The following GARIN1A variants were observed in gnomAD, a reference collection of about 807,000 sequenced individuals.
GARIN1A encodes the protein Golgi-associated RAB2 interactor protein 1A.
the GARIN1A span, among the ~76,000 whole-genome samples, chr7:128,703,865 TG>T: frequency 2.0e-5 from 3 of 151,852 alleles, no homozygotes; most frequent in Non-Finnish European, 4.4e-5. Flanking sequence ...AATTAGGGCT[TG>T]GGGGAAGATT....
At chr7:128,672,207 A>C in the GARIN1A span, 1 of 512,226 alleles carries the variant, frequency 2.0e-6, no homozygotes, top group Non-Finnish European at 3.4e-6. Flanking sequence ...TTCTGTTGTC[A>C]CCATCACATT....
the GARIN1A span, among the ~76,000 whole-genome samples, chr7:128,703,054 T>C: frequency 2.6e-5 from 4 of 152,120 alleles, no homozygotes; most frequent in African/African-American, 9.7e-5. Context: ...GAGACAAAAA[T>C]TGTTAGAACA....
At chr7:128,675,596 T>C in the GARIN1A span, 105 of 1,471,092 alleles carry the variant, frequency 7.1e-5, no homozygotes, top group Non-Finnish European at 9.7e-5. Context: ...CCCAAGATGA[T>C]GTGCCACTTT....
chr7:128,688,147 G>A, the GARIN1A span, among the ~76,000 whole-genome samples: 3 of 152,024 alleles, frequency 2.0e-5, no homozygotes, highest in Non-Finnish European at 4.4e-5. Context: ...GAGTAGCTGG[G>A]ATTAAAGGCA....
chr7:128,701,732 G>A, the GARIN1A span, among the ~76,000 whole-genome samples: 169 of 152,110 alleles, frequency 1.1e-3, no homozygotes, highest in African/African-American at 3.9e-3. Flanking sequence ...TGAAACTAGG[G>A]GCAAGGAGAC....
At chr7:128,675,794 C>T in the GARIN1A span, 1 of 1,613,780 alleles carries the variant, frequency 6.2e-7, no homozygotes, top group Admixed American at 1.7e-5. Context: ...CCAATGTTAC[C>T]TGGCCCCAGG....
At chr7:128,697,471 C>G in the GARIN1A span, 1 of 152,440 alleles carries the variant, frequency 6.6e-6, no homozygotes, top group South Asian at 2.1e-4. Flanking sequence ...CGCGCCCGAT[C>G]TGGTCTCATC....
chr7:128,675,735 G>T, the GARIN1A span: 21 of 1,613,686 alleles, frequency 1.3e-5, no homozygotes, highest in African/African-American at 6.7e-5. Context: ...GATCCTCGGG[G>T]TCACCTCCTC....
the GARIN1A span, among the ~76,000 whole-genome samples, chr7:128,701,594 G>A: frequency 8.5e-5 from 13 of 152,120 alleles, no homozygotes; most frequent in Non-Finnish European, 1.6e-4. Context: ...GAAGGTATGA[G>A]CCAGAGTGGC....
At chr7:128,681,563 A>G in the GARIN1A span, among the ~76,000 whole-genome samples, 5 of 147,606 alleles carry the variant, frequency 3.4e-5, no homozygotes. Flanking sequence ...GTGCAGTGCC[A>G]TGATCTTGGC....
chr7:128,688,435 A>G, the GARIN1A span, among the ~76,000 whole-genome samples: 2 of 152,228 alleles, frequency 1.3e-5, no homozygotes, highest in Non-Finnish European at 2.9e-5. Flanking sequence ...ACATCACTGC[A>G]AAGAAAGAAA....
At chr7:128,683,202 T>G in the GARIN1A span, 1 of 1,429,560 alleles carries the variant, frequency 7.0e-7, no homozygotes, top group African/African-American at 1.4e-5. Context: ...GTGTACTTGC[T>G]ACCACCTCTT....
At chr7:128,692,157 G>T in the GARIN1A span, among the ~76,000 whole-genome samples, 1 of 152,074 alleles carries the variant, frequency 6.6e-6, no homozygotes, top group African/African-American at 2.4e-5. Context: ...TGTTTTCTAC[G>T]TGTACACCCA....
chr7:128,674,495 C>T, the GARIN1A span, among the ~76,000 whole-genome samples: 1 of 152,162 alleles, frequency 6.6e-6, no homozygotes, highest in Admixed American at 6.5e-5. Context: ...AGTTACACTG[C>T]TTCCTCTCTC....
chr7:128,697,131 C>G, the GARIN1A span, among the ~76,000 whole-genome samples: 1 of 152,172 alleles, frequency 6.6e-6, no homozygotes, highest in South Asian at 2.1e-4. Context: ...TTCAGATCCC[C>G]TACACAACCT....
At chr7:128,707,459 G>A in the GARIN1A span, among the ~76,000 whole-genome samples, 25,407 of 151,880 alleles carry the variant, frequency 0.17, 2,295 homozygotes, top group East Asian at 0.36. Context: ...CTGCTTCTAT[G>A]AGTTTGACTA....
At chr7:128,690,154 A>G in the GARIN1A span, among the ~76,000 whole-genome samples, 3 of 152,236 alleles carry the variant, frequency 2.0e-5, no homozygotes, top group African/African-American at 4.8e-5. Flanking sequence ...ACTCAGGGTT[A>G]AATGGATTAA....
chr7:128,700,303 C>T, the GARIN1A span, among the ~76,000 whole-genome samples: 3 of 133,682 alleles, frequency 2.2e-5, no homozygotes, highest in African/African-American at 5.6e-5. Flanking sequence ...TTTTTTGAAA[C>T]GGAGTCTCTC....
chr7:128,688,112 A>G, the GARIN1A span, among the ~76,000 whole-genome samples: 1 of 151,970 alleles, frequency 6.6e-6, no homozygotes, highest in Non-Finnish European at 1.5e-5. Context: ...CCCAGGTTCA[A>G]GCAATTCTCC....
Sources: allele counts gnomAD v4.1 joint callset (sites outside exome capture counted in the v4.1 genomes callset), GRCh38; gene constraint gnomAD v4.1.1; transcripts MANE v1.5; gene names NCBI Gene and HGNC (gene_info 2026-07-23, HGNC 2026-07-21).